The following ANKS1B variants were observed in gnomAD, a reference collection of about 807,000 sequenced individuals.
The protein encoded by ANKS1B is ankyrin repeat and sterile alpha motif domain-containing protein 1B.
A neutral mutation model predicts 148.3 loss-of-function variants in ANKS1B; 36 were observed. The ratio of observed to expected loss-of-function variants is 0.24; its 90% confidence interval spans 0.19 to 0.32. The LOEUF is 0.32. ANKS1B is among the 10% of genes least tolerant of loss of function. The probability of loss-of-function intolerance (pLI) is 1.00; values close to 1 mark genes in which losing one functional copy is unlikely to be tolerated. For synonymous variants in ANKS1B, 542 were observed against 560.8 expected (o/e 0.97, Z 0.47); for missense variants, 1,157 against 1,542.6 (o/e 0.75, Z 4.19).
At chr12:99,229,028 G>A (rs2086408653) in intron 14 of ANKS1B, among the ~76,000 whole-genome samples, 1 of 151,854 alleles carries the variant, frequency 6.6e-6, no homozygotes, top group African/African-American at 2.4e-5. Context: ...TAAAATTAAT[G>A]TATACTCACT....
rs2153694381 is a variant in ANKS1B, at chr12:99,837,343, A to G, written c.135-11954T>C. ...TAACAGATTTGTGTTATTCTAAGCC[A>G]CTACATTTGTGGTAACTTGCTACAG... On this transcript the variant is annotated intron_variant, in intron 1 of 26. Transcript: ENST00000683438. Among the ~76,000 whole-genome samples, 2 of 152,270 alleles carry G rather than the reference A, an allele frequency of 1.3e-5. 1 individual carries two copies. The highest frequency in any genetic ancestry group is 4.1e-4 in the South Asian group (2 of 4,830).
chr12:99,965,034 G>A (rs2095468530), intron 1 of ANKS1B, among the ~76,000 whole-genome samples: 1 of 152,166 alleles, frequency 6.6e-6, no homozygotes, highest in African/African-American at 2.4e-5. Context: ...GTAAATATGT[G>A]TACACAGTGA....
At chr12:99,220,062 C>T (rs1473907183) in intron 14 of ANKS1B, among the ~76,000 whole-genome samples, 10 of 152,178 alleles carry the variant, frequency 6.6e-5, no homozygotes, top group African/African-American at 1.9e-4. Context: ...TGCAGTGGCA[C>T]GATCTTGGCT....
chr12:99,866,491 G>A (rs1480881403), intron 1 of ANKS1B, among the ~76,000 whole-genome samples: 1 of 151,998 alleles, frequency 6.6e-6, no homozygotes, highest in Non-Finnish European at 1.5e-5. Flanking sequence ...ATTGGGCCAA[G>A]GTTTACTCTA....
At chr12:99,546,798 G>A (rs2097176367) in intron 9 of ANKS1B, among the ~76,000 whole-genome samples, 1 of 152,104 alleles carries the variant, frequency 6.6e-6, no homozygotes, top group Non-Finnish European at 1.5e-5. Context: ...ATTGTGAGAT[G>A]GTCTAGTTCT....
chr12:99,292,288 C>T (rs1430355255), intron 12 of ANKS1B, among the ~76,000 whole-genome samples: 2 of 150,594 alleles, frequency 1.3e-5, no homozygotes, highest in Non-Finnish European at 3.0e-5. Flanking sequence ...GTCAAGAGAC[C>T]GAGACTATTC....
intron 1 of ANKS1B, among the ~76,000 whole-genome samples, chr12:99,888,816 T>C (rs1167370176): frequency 6.6e-6 from 1 of 152,122 alleles, no homozygotes; most frequent in Non-Finnish European, 1.5e-5. Context: ...GTCCAGGTCT[T>C]AAGTATGGTT....
downstream of ANKS1B, among the ~76,000 whole-genome samples, chr12:98,740,957 T>G (rs569082755): frequency 2.7e-4 from 41 of 152,312 alleles, no homozygotes; most frequent in South Asian, 8.5e-3. Context: ...GAGGCAATCT[T>G]GAGGCTAAAA....
intron 1 of ANKS1B, among the ~76,000 whole-genome samples, chr12:99,944,959 C>T (rs1006295413): frequency 1.3e-5 from 2 of 151,960 alleles, no homozygotes; most frequent in African/African-American, 4.8e-5. Context: ...GTGAAGGAAG[C>T]CAAAAGCTGA....
rs2086219502 is a variant in ANKS1B at position 99,228,016 on chromosome 12, C to A, written c.2419+16326G>T. Among the ~76,000 whole-genome samples, 3 of 151,860 alleles carry A rather than the reference C, an allele frequency of 2.0e-5. No homozygotes were observed. The South Asian group carries it at 6.2e-4, about 32-fold the overall frequency. On this transcript the variant is annotated intron_variant, in intron 14 of 26. Coordinates refer to ENST00000683438, the MANE Select transcript of ANKS1B (RefSeq NM_001352186.2). ...GAGATTTATTGGTCATTTGTCTTTACAAAATTGAGATTTGAAAAGCTTTAA... is the reference window on the plus strand; with the variant it reads ...GAGATTTATTGGTCATTTGTCTTTAAAAAATTGAGATTTGAAAAGCTTTAA...
intron 17 of ANKS1B, among the ~76,000 whole-genome samples, chr12:98,901,374 C>G (rs2099771764): frequency 6.6e-6 from 1 of 152,198 alleles, no homozygotes; most frequent in Admixed American, 6.5e-5. Context: ...AGTCTGAGGT[C>G]AGGACTCTGG....
chr12:98,800,878 T>C lies in ANKS1B; in HGVS notation c.3270+119A>G, dbSNP rs982180500. Reference sequence around the variant, plus strand: ...AAGAAAAAGTGAAGAGAAAAACATTTTAAAAATTTCAGTGATGGATATGGA... The same window carrying C: ...AAGAAAAAGTGAAGAGAAAAACATTCTAAAAATTTCAGTGATGGATATGGA... On this transcript the variant is annotated intron_variant, in intron 21 of 26. Coordinates refer to ENST00000683438, the MANE Select transcript of ANKS1B (RefSeq NM_001352186.2). The C allele has an allele frequency of 2.4e-6, 3 of 1,261,458 alleles. No homozygotes were observed. The African/African-American group carries it at 4.5e-5, about 19-fold the overall frequency. The allele number at this position is 1,261,458 out of a possible 1,614,324, so 78.1% of individuals were successfully genotyped here.
At chr12:99,332,689 C>CA (rs56373621) in intron 12 of ANKS1B, among the ~76,000 whole-genome samples, 142,704 of 143,940 alleles carry the variant, frequency 0.99, 70,736 homozygotes, top group East Asian at 1. Context: ...GCTGAGCTTT[C>CA]AAAAAAAAAA....
intron 17 of ANKS1B, among the ~76,000 whole-genome samples, chr12:99,045,616 G>T (rs1304832893): frequency 2.0e-5 from 3 of 152,186 alleles, no homozygotes; most frequent in African/African-American, 7.2e-5. Context: ...AACATAAGTA[G>T]CATGAACTCT....
chr12:99,744,805 AACATG>A (rs2060432330), intron 8 of ANKS1B, among the ~76,000 whole-genome samples: 2 of 152,044 alleles, frequency 1.3e-5, no homozygotes, highest in Non-Finnish European at 2.9e-5. Flanking sequence ...TAGCCTGACT[AACATG>A]GTGAAACCCT....
intron 12 of ANKS1B, among the ~76,000 whole-genome samples, chr12:99,381,169 C>T (rs140310429): frequency 3.1e-4 from 47 of 152,186 alleles, no homozygotes; most frequent in Non-Finnish European, 6.3e-4. Context: ...AGGCTCCAGA[C>T]TTGTGAGAGA....
At chr12:99,924,649 G>A (rs1414620672) in intron 1 of ANKS1B, among the ~76,000 whole-genome samples, 1 of 152,030 alleles carries the variant, frequency 6.6e-6, no homozygotes, top group East Asian at 1.9e-4. Flanking sequence ...AATGGCATTA[G>A]CACCTTTATT....
At chr12:99,109,433 A>C (rs894546521) in intron 15 of ANKS1B, among the ~76,000 whole-genome samples, 4 of 152,160 alleles carry the variant, frequency 2.6e-5, no homozygotes, top group African/African-American at 9.7e-5. Flanking sequence ...TTGGAGACAG[A>C]CACACCCAAG....
intron 16 of ANKS1B, among the ~76,000 whole-genome samples, chr12:99,066,718 T>C (rs1018194631): frequency 6.6e-6 from 1 of 152,276 alleles, no homozygotes; most frequent in East Asian, 1.9e-4. Flanking sequence ...TTGGATAAGG[T>C]ACTAAAGTAA....
Sources: allele counts gnomAD v4.1 joint callset (sites outside exome capture counted in the v4.1 genomes callset), GRCh38; gene constraint gnomAD v4.1.1; transcripts MANE v1.5; gene names NCBI Gene and HGNC (gene_info 2026-07-23, HGNC 2026-07-21).